Variants in TOM1L2 observed in about 807,000 individuals in gnomAD.
TOM1L2 encodes the protein target of myb1 like 2 membrane trafficking protein.
In TOM1L2, 31 loss-of-function variants were observed where a neutral mutation model predicts 67.9. The ratio of observed to expected loss-of-function variants is 0.46; its 90% CI spans 0.34 to 0.62. The LOEUF (loss-of-function observed/expected upper bound fraction) is 0.62. Ranked by LOEUF, TOM1L2 falls within the 20% of genes least tolerant of loss-of-function variation. The pLI is 0.01. For missense variants in TOM1L2, 606 were observed against 663.5 expected (o/e 0.91, Z 0.95); for synonymous variants, 256 against 254.0 (o/e 1.01, Z -0.07).
At chr17:17,964,355 T>C (rs187150286) in intron 1 of TOM1L2, among the ~76,000 whole-genome samples, 1 of 152,360 alleles carries the variant, frequency 6.6e-6, no homozygotes. Flanking sequence ...ACCGTTTTCC[T>C]TTCCTAATAT....
intron 1 of TOM1L2, among the ~76,000 whole-genome samples, chr17:17,915,618 C>T (rs1349701916): frequency 1.3e-5 from 2 of 152,028 alleles, no homozygotes; most frequent in African/African-American, 2.4e-5. Context: ...TGGTCTCAAG[C>T]AATCCTCCCA....
chr17:17,949,717 C>T (rs970267794), intron 1 of TOM1L2, among the ~76,000 whole-genome samples: 3 of 152,196 alleles, frequency 2.0e-5, no homozygotes, highest in South Asian at 2.1e-4. Flanking sequence ...TGGTGTGTCC[C>T]GAAAAGGTGC....
At chr17:17,954,546 C>T (rs1267619917) in intron 1 of TOM1L2, among the ~76,000 whole-genome samples, 1 of 152,204 alleles carries the variant, frequency 6.6e-6, no homozygotes, top group African/African-American at 2.4e-5. Context: ...CTACTGACCT[C>T]AGATGACCCA....
intron 1 of TOM1L2, among the ~76,000 whole-genome samples, chr17:17,944,169 G>C (rs1363110523): frequency 1.3e-5 from 2 of 152,192 alleles, no homozygotes; most frequent in African/African-American, 4.8e-5. Flanking sequence ...TGCAGCCCCC[G>C]GATAGGCAGG....
intron 3 of TOM1L2, among the ~76,000 whole-genome samples, chr17:17,894,911 A>G (rs1385517730): frequency 1.3e-5 from 2 of 152,142 alleles, no homozygotes; most frequent in Non-Finnish European, 2.9e-5. Flanking sequence ...AGCTCAGGCA[A>G]CAGAACAAAA....
chr17:17,844,260 G>A lies in TOM1L2; in HGVS notation c.*3375C>T, dbSNP rs2035531029. The A allele has an allele frequency of 6.6e-6, 1 of 152,370 alleles. No individual in the cohort carries two copies. The highest frequency in any genetic ancestry group is 2.1e-4 in the South Asian group (1 of 4,840). 9.4% of individuals were successfully genotyped at this position (152,370 alleles called of 1,614,324 possible). On this transcript the variant is annotated 3_prime_UTR_variant, in exon 15 of 15. Coordinates refer to ENST00000379504, the MANE Select transcript of TOM1L2 (RefSeq NM_001082968.2). ...CGTGTCTGCGGGGGCCCAGGGTGGG[G>A]TGTGGCAGCGGGAAGGAGGGGGGCA...
intron 11 of TOM1L2, 91 bp from the exon 12 acceptor site, chr17:17,861,642 T>C (rs1190127911): frequency 1.8e-6 from 2 of 1,116,964 alleles, no homozygotes; most frequent in African/African-American, 1.5e-5. Context: ...TTCTATCCTA[T>C]GGTCCTTCCT....
chr17:17,903,394 C>T (rs1399723933), intron 2 of TOM1L2, among the ~76,000 whole-genome samples: 3 of 152,082 alleles, frequency 2.0e-5, no homozygotes, highest in African/African-American at 4.8e-5. Context: ...GAGGCTGAGG[C>T]GGGCGGATCA....
chr17:17,882,887 T>C (rs2037803457), intron 5 of TOM1L2, 24 bp from the exon 6 acceptor site: 1 of 1,612,834 alleles, frequency 6.2e-7, no homozygotes, highest in South Asian at 1.1e-5. Context: ...AACAAAGTCC[T>C]CTGTTTACCT....
chr17:17,867,054 G>T (rs1399096783), intron 8 of TOM1L2, 130 bp from the exon 9 acceptor site: 12 of 812,178 alleles, frequency 1.5e-5, no homozygotes, highest in Non-Finnish European at 2.6e-5. Flanking sequence ...GCTAGGGAGT[G>T]AAACCATATA....
chr17:17,860,599 G>C (rs1292392499), intron 12 of TOM1L2, among the ~76,000 whole-genome samples: 1 of 152,204 alleles, frequency 6.6e-6, no homozygotes, highest in Non-Finnish European at 1.5e-5. Context: ...TTCCTGTCCA[G>C]TGGACAGATG....
intron 7 of TOM1L2, among the ~76,000 whole-genome samples, chr17:17,870,198 G>A (rs532844035): frequency 6.6e-6 from 1 of 152,082 alleles, no homozygotes; most frequent in South Asian, 2.1e-4. Flanking sequence ...CTGGCTGGCC[G>A]AAAGAGGAAA....
chr17:17,850,800 TG>T, intron 13 of TOM1L2, 92 bp downstream of exon 13: 1 of 1,346,768 alleles, frequency 7.4e-7, no homozygotes, highest in Admixed American at 1.7e-5. Flanking sequence ...CAGACAGGGG[TG>T]GAGCCCCTGC....
chr17:17,958,345 G>T (rs1229153783), intron 1 of TOM1L2, among the ~76,000 whole-genome samples: 1 of 152,160 alleles, frequency 6.6e-6, no homozygotes, highest in Non-Finnish European at 1.5e-5. Flanking sequence ...CTGGACCAGT[G>T]CCAGAAAAAG....
chr17:17,906,197 T>G (rs1320564179), intron 2 of TOM1L2, among the ~76,000 whole-genome samples: 4 of 151,558 alleles, frequency 2.6e-5, no homozygotes, highest in Non-Finnish European at 4.4e-5. Context: ...GGCATGCTCA[T>G]GGCTCACTGC....
chr17:17,872,193 T>C, intron 7 of TOM1L2: 1 of 247,674 alleles, frequency 4.0e-6, no homozygotes, highest in Non-Finnish European at 6.4e-6. Flanking sequence ...TCAGGAGTGA[T>C]GCAGAAAACC....
chr17:17,894,001 A>G (rs1054111075), intron 3 of TOM1L2, among the ~76,000 whole-genome samples, 191 bp from the exon 4 acceptor site: 3 of 152,330 alleles, frequency 2.0e-5, no homozygotes. Context: ...GGATGACAGC[A>G]GCCCCTTACT....
At chr17:17,950,928 T>G (rs1307852297) in intron 1 of TOM1L2, among the ~76,000 whole-genome samples, 1 of 152,182 alleles carries the variant, frequency 6.6e-6, no homozygotes, top group Non-Finnish European at 1.5e-5. Flanking sequence ...CACTGCAGTT[T>G]CTTCTTTCTG....
chr17:17,971,747 A>G (rs2042097370), intron 1 of TOM1L2, among the ~76,000 whole-genome samples: 1 of 152,226 alleles, frequency 6.6e-6, no homozygotes, highest in Non-Finnish European at 1.5e-5. Flanking sequence ...AGTTGGCACC[A>G]CCTCTAGCAG....
Sources: allele counts gnomAD v4.1 joint callset (sites outside exome capture counted in the v4.1 genomes callset), GRCh38; gene constraint gnomAD v4.1.1; transcripts MANE v1.5; gene names NCBI Gene and HGNC (gene_info 2026-07-23, HGNC 2026-07-21).